RALGAPA2: variants seen among roughly 807,000 people sequenced by gnomAD.
RALGAPA2 encodes the protein Ral GTPase activating protein catalytic subunit alpha 2, also known as ral GTPase-activating protein subunit alpha-2.
RALGAPA2 carries 139 observed loss-of-function variants against 230.4 expected under a neutral mutation model. That is an observed-to-expected ratio of 0.60 (90% confidence interval 0.53 to 0.69). The LOEUF (loss-of-function observed/expected upper bound fraction) is 0.69. Ranked by LOEUF, RALGAPA2 falls within the 30% of genes least tolerant of loss-of-function variation. RALGAPA2 has a pLI of 0.00. For synonymous variants in RALGAPA2, 847 were observed against 837.8 expected (o/e 1.01, Z -0.19); for missense variants, 2,163 against 2,276.0 (o/e 0.95, Z 1.01).
chr20:20,486,239 A>ATT (rs746713884), intron 36 of RALGAPA2, among the ~76,000 whole-genome samples: 8 of 143,540 alleles, frequency 5.6e-5, no homozygotes, highest in South Asian at 2.2e-4. Flanking sequence ...GACTTCTATA[A>ATT]TTTTTTTTTT....
At position 20,629,544 on chromosome 20, in the gene RALGAPA2, C is replaced by T. The variant is rs770147802; in HGVS notation, c.1052G>A (p.Gly351Asp). ...TTTGTCCTGCTCCGTGGGCCCACCA[C>T]CATCCAGCTCAGGCGCTCTCTCCTG... ...AVQERAPELD[G>D]GGPTEQDKSH... Residue 351 changes from glycine (G) to aspartate (D), a missense_variant, in exon 10 of 40, where the codon GGT becomes GAT. Transcript: ENST00000202677. The T allele has an allele frequency of 1.9e-6, 3 of 1,613,848 alleles. No homozygotes were observed. The highest frequency in any genetic ancestry group is 2.2e-5 in the East Asian group (1 of 44,886).
At chr20:20,642,239 T>C (rs981516221) in intron 5 of RALGAPA2, among the ~76,000 whole-genome samples, 3 of 151,558 alleles carry the variant, frequency 2.0e-5, no homozygotes, top group Non-Finnish European at 4.4e-5. Flanking sequence ...GGGATGGAGT[T>C]TCACTCTGTT....
At position 20,392,282 on chromosome 20, in the gene RALGAPA2, G is replaced by A. The variant is rs903294919; in HGVS notation, c.*1007C>T. 2 of 152,232 alleles carry A rather than the reference G, an allele frequency of 1.3e-5. No individual in the cohort carries two copies. Among genetic ancestry groups the A allele is most frequent in the Non-Finnish European group, 2.9e-5 (2 of 68,048 alleles). The allele number at this position is 152,232 out of a possible 1,614,324, so 9.4% of individuals were successfully genotyped here. ...AGGATTAAATCCCTCGCTTGGAATCGGCTACCAAAAGCTTTGTGTGACAAG... is the reference window on the plus strand; with the variant it reads ...AGGATTAAATCCCTCGCTTGGAATCAGCTACCAAAAGCTTTGTGTGACAAG... On this transcript the variant is annotated 3_prime_UTR_variant, in exon 40 of 40. Transcript: ENST00000202677.
intron 16 of RALGAPA2, among the ~76,000 whole-genome samples, chr20:20,599,739 A>G (rs536585986): frequency 6.6e-6 from 1 of 152,280 alleles, no homozygotes; most frequent in South Asian, 2.1e-4. Flanking sequence ...TTGGAAGGCC[A>G]AGACAGGCAA....
intron 36 of RALGAPA2, among the ~76,000 whole-genome samples, chr20:20,485,002 T>C (rs928924571): frequency 3.3e-5 from 5 of 152,042 alleles, no homozygotes; most frequent in Admixed American, 2.6e-4. Context: ...TGACTTTGAA[T>C]GTGGCCCAAC....
rs1312896077 is a variant in RALGAPA2, at chr20:20,398,828, C to CT, written c.5618-2095_5618-2094insA. ...ACAGTGGTGACCAAAGCAGATGAAA[C>CT]CGCTGCCTCCAGGGGATCTGGGAGA... On this transcript the variant is annotated intron_variant, in intron 38 of 39. Transcript: ENST00000202677. The surrounding 1 kb of genome is among the most constrained non-coding windows in gnomAD (Gnocchi z 4.5). 6.6e-6 allele frequency among the ~76,000 whole-genome samples: 1 copy of CT among 152,188 alleles called. No individual in the cohort carries two copies. The highest frequency in any genetic ancestry group is 1.5e-5 in the Non-Finnish European group (1 of 68,038).
chr20:20,537,619 C>CA (rs373034061), intron 24 of RALGAPA2, among the ~76,000 whole-genome samples: 2,819 of 40,038 alleles, frequency 0.07, 122 homozygotes, highest in East Asian at 0.27. Flanking sequence ...GACTCCATCT[C>CA]AAAAAAAAAA....
At chr20:20,614,859 G>C (rs2066086358) in intron 13 of RALGAPA2, among the ~76,000 whole-genome samples, 1 of 152,176 alleles carries the variant, frequency 6.6e-6, no homozygotes, top group Non-Finnish European at 1.5e-5. Flanking sequence ...ATAGGCAGAG[G>C]ACCCTTCTGG....
chr20:20,471,630 A>T (rs2061543663), intron 37 of RALGAPA2: 1 of 152,168 alleles, frequency 6.6e-6, no homozygotes, highest in Admixed American at 6.5e-5. Flanking sequence ...AGTGTTGTGG[A>T]AATCACTGCA....
rs765261072 is a variant in RALGAPA2 at position 20,524,852 on chromosome 20, G to A, written c.3740C>T (p.Ser1247Phe). The part of the protein sequence containing the change: ...VAFLLPSAEY[S>F]SVETDKKFIV... ...TACCTTCTTGTCTGTTTCCACTGAGGAGTACTCTGCACTTGGTAAAAGAAA... is the reference window on the plus strand; with the variant it reads ...TACCTTCTTGTCTGTTTCCACTGAGAAGTACTCTGCACTTGGTAAAAGAAA... Residue 1247 changes from serine to phenylalanine, a missense_variant, in exon 29 of 40, where the codon TCC (serine) becomes TTC (phenylalanine). Coordinates refer to ENST00000202677, the MANE Select transcript of RALGAPA2 (RefSeq NM_020343.4). 6 of 1,610,284 alleles carry A rather than the reference G, an allele frequency of 3.7e-6. No individual in the cohort carries two copies. Among genetic ancestry groups the A allele is most frequent in the Non-Finnish European group, 4.2e-6 (5 of 1,178,324 alleles).
In RALGAPA2 at chr20:20,391,559, C is replaced by G. The variant is rs562231986; in HGVS notation, c.*1730G>C. ...GCCCTTCCGACAGGAACGACTGGCT[C>G]AGCTCTTTCTCATTTGTCCCAAGAG... On this transcript the variant is annotated 3_prime_UTR_variant, in exon 40 of 40. Coordinates refer to ENST00000202677, the MANE Select transcript of RALGAPA2 (RefSeq NM_020343.4). The G allele has an allele frequency of 6.6e-6, 1 of 152,336 alleles. No homozygotes were observed. The highest frequency in any genetic ancestry group is 2.1e-4 in the South Asian group (1 of 4,818). 9.4% of individuals were successfully genotyped at this position (152,336 alleles called of 1,614,324 possible).
intron 36 of RALGAPA2, among the ~76,000 whole-genome samples, chr20:20,489,567 GA>G (rs200699269): frequency 0.018 from 2,447 of 132,364 alleles, 51 homozygotes; most frequent in African/African-American, 0.054. Context: ...AAGTATTCAT[GA>G]AAAAAAAAAA....
chr20:20,397,071 C>T lies in RALGAPA2; in HGVS notation c.5618-337G>A, dbSNP rs2059734063. Among the ~76,000 whole-genome samples, 3 of 152,238 alleles carry T rather than the reference C, an allele frequency of 2.0e-5. No homozygotes were observed. The South Asian group carries it at 6.2e-4, about 32-fold the overall frequency. ...ACAGCTATATCCTTTCCCTGCTCTC[C>T]AACTTTTCCTGACTGATTTTGTTTA... On this transcript the variant is annotated intron_variant, in intron 38 of 39. Transcript: ENST00000202677.
At chr20:20,618,465 T>G (rs2066218661) in intron 12 of RALGAPA2, among the ~76,000 whole-genome samples, 2 of 150,074 alleles carry the variant, frequency 1.3e-5, no homozygotes, top group South Asian at 2.1e-4. Context: ...TATATTAAAC[T>G]GCTAATTCAC....
intron 26 of RALGAPA2, among the ~76,000 whole-genome samples, chr20:20,534,100 C>T (rs1482509051): frequency 6.6e-6 from 1 of 151,950 alleles, no homozygotes; most frequent in Admixed American, 6.6e-5. Context: ...ATACACAAAA[C>T]GTGTCAGAGA....
intron 37 of RALGAPA2, among the ~76,000 whole-genome samples, chr20:20,458,487 ATTTT>A (rs2061184585): frequency 1.4e-5 from 2 of 139,332 alleles, no homozygotes; most frequent in South Asian, 2.2e-4. Context: ...ATATATATGT[ATTTT>A]ATATATATTA....
intron 6 of RALGAPA2, 49 bp downstream of exon 6, chr20:20,640,652 G>A (rs903285246): frequency 2.0e-6 from 3 of 1,503,492 alleles, no homozygotes; most frequent in Admixed American, 2.0e-5. Context: ...ATTCCTCAAT[G>A]TAAGTTCAAG....
At chr20:20,395,435 A>G (rs747866184) in intron 39 of RALGAPA2, among the ~76,000 whole-genome samples, 1 of 152,224 alleles carries the variant, frequency 6.6e-6, no homozygotes, top group Non-Finnish European at 1.5e-5. Flanking sequence ...CCAAGGATTT[A>G]TTCACAGGAC....
chr20:20,400,624 C>G lies in RALGAPA2; in HGVS notation c.5618-3890G>C, dbSNP rs539654884. ...TCATAAAGAAATGTTTCCAGACTCTCTCACTCTCATGGAACATAAACACCA... is the reference window on the plus strand; with the variant it reads ...TCATAAAGAAATGTTTCCAGACTCTGTCACTCTCATGGAACATAAACACCA... On this transcript the variant is annotated intron_variant, in intron 38 of 39. Transcript: ENST00000202677. 5.3e-5 allele frequency among the ~76,000 whole-genome samples: 8 copies of G among 152,308 alleles called. No homozygotes were observed. In the South Asian group the frequency reaches 1.7e-3, roughly 32 times the overall value.
Sources: allele counts gnomAD v4.1 joint callset (sites outside exome capture counted in the v4.1 genomes callset), GRCh38; gene constraint gnomAD v4.1.1; non-coding constraint Gnocchi (gnomAD v3.1); transcripts MANE v1.5; gene names NCBI Gene and HGNC (gene_info 2026-07-23, HGNC 2026-07-21).